ADGRL3: variants seen among roughly 807,000 people sequenced by gnomAD.
ADGRL3 encodes the protein calcium-independent alpha-latrotoxin receptor 3.
ADGRL3 carries 62 observed loss-of-function variants against 153.5 expected under a neutral mutation model. That is an observed-to-expected ratio of 0.40 (90% confidence interval 0.33 to 0.50). The LOEUF is 0.50. Ranked by LOEUF, ADGRL3 falls within the 20% of genes least tolerant of loss-of-function variation. The pLI, the probability that ADGRL3 is intolerant of heterozygous loss-of-function variation, is 0.47. For missense variants in ADGRL3, 1,641 were observed against 1,859.4 expected (o/e 0.88, Z 2.16); for synonymous variants, 710 against 672.5 (o/e 1.06, Z -0.86).
chr4:61,962,811 A>C (rs2150514325), intron 17 of ADGRL3, among the ~76,000 whole-genome samples: 1 of 152,280 alleles, frequency 6.6e-6, no homozygotes, highest in Middle Eastern at 3.4e-3. Context: ...TTGTTCTATT[A>C]ATTTTAATTT....
chr4:62,046,491 A>G (rs1487226936), intron 25 of ADGRL3, among the ~76,000 whole-genome samples: 3 of 151,920 alleles, frequency 2.0e-5, no homozygotes, highest in Non-Finnish European at 2.9e-5. Flanking sequence ...AATTTGAAAT[A>G]TATTTAAAGG....
At chr4:61,225,944 T>A (rs1175676681) in intron 1 of ADGRL3, among the ~76,000 whole-genome samples, 1 of 152,184 alleles carries the variant, frequency 6.6e-6, no homozygotes, top group Non-Finnish European at 1.5e-5. Flanking sequence ...ATCACTGCTT[T>A]CTACCTTCTT....
intron 5 of ADGRL3, among the ~76,000 whole-genome samples, chr4:61,644,268 G>GATTTTTTTT (rs534607455): frequency 2.1e-5 from 3 of 145,456 alleles, no homozygotes; most frequent in African/African-American, 5.0e-5. Flanking sequence ...TTTTTGAAGG[G>GATTTTTTTT]TTTTTTGTGT....
intron 1 of ADGRL3, among the ~76,000 whole-genome samples, chr4:61,278,937 G>A (rs1053444092): frequency 2.0e-5 from 3 of 152,186 alleles, no homozygotes; most frequent in Non-Finnish European, 4.4e-5. Flanking sequence ...TTGTATGTTT[G>A]CATGCAGGCA....
At chr4:61,584,629 G>T (rs181407194) in intron 4 of ADGRL3, among the ~76,000 whole-genome samples, 2 of 152,010 alleles carry the variant, frequency 1.3e-5, no homozygotes, top group East Asian at 3.9e-4. Context: ...ATAGCTAGAT[G>T]AATCCAATGT....
chr4:62,022,342 T>A (rs2099241964), intron 21 of ADGRL3, among the ~76,000 whole-genome samples: 1 of 152,096 alleles, frequency 6.6e-6, no homozygotes, highest in African/African-American at 2.4e-5. Context: ...TCATGAGATT[T>A]AAGGAAAGAA....
At chr4:61,966,573 G>GGT (rs5858746) in intron 17 of ADGRL3, among the ~76,000 whole-genome samples, 14,604 of 145,752 alleles carry the variant, frequency 0.1, 789 homozygotes, top group East Asian at 0.22. Context: ...TTTCAAAAGG[G>GGT]GTGTGTGTGT....
At chr4:61,516,338 T>C (rs537932750) in intron 3 of ADGRL3, among the ~76,000 whole-genome samples, 1 of 149,718 alleles carries the variant, frequency 6.7e-6, no homozygotes, top group South Asian at 2.1e-4. Flanking sequence ...TATTAATGTG[T>C]TTTTATACAT....
At chr4:62,024,989 A>G (rs1344567196) in intron 21 of ADGRL3, among the ~76,000 whole-genome samples, 3 of 151,994 alleles carry the variant, frequency 2.0e-5, no homozygotes, top group East Asian at 3.9e-4. Flanking sequence ...TATAGTGATG[A>G]ACAAAGAACA....
chr4:61,495,367 A>T (rs1191961215), intron 2 of ADGRL3, among the ~76,000 whole-genome samples: 3 of 152,138 alleles, frequency 2.0e-5, no homozygotes, highest in Non-Finnish European at 2.9e-5. Context: ...TTAAAATTTA[A>T]TTCTAAAACT....
intron 5 of ADGRL3, among the ~76,000 whole-genome samples, chr4:61,650,762 G>A (rs2094216449): frequency 6.6e-6 from 1 of 151,984 alleles, no homozygotes; most frequent in Admixed American, 6.6e-5. Flanking sequence ...CCAACTGCAA[G>A]GTTGTGATTA....
At chr4:61,949,305 A>C (rs1173885863) in intron 17 of ADGRL3, among the ~76,000 whole-genome samples, 2 of 152,238 alleles carry the variant, frequency 1.3e-5, no homozygotes, top group African/African-American at 2.4e-5. Flanking sequence ...TGTGGCATTA[A>C]AAATTTAATT....
chr4:61,554,043 G>GT (rs1237752118), intron 4 of ADGRL3, among the ~76,000 whole-genome samples: 12 of 150,876 alleles, frequency 8.0e-5, no homozygotes, highest in Non-Finnish European at 1.6e-4. Context: ...ACAAAAAAAG[G>GT]TAATAAGAAT....
chr4:61,524,727 G>A (rs1434991898), intron 4 of ADGRL3, among the ~76,000 whole-genome samples: 1 of 152,102 alleles, frequency 6.6e-6, no homozygotes, highest in Non-Finnish European at 1.5e-5. Flanking sequence ...CTGAGACCTA[G>A]TAAGTGTTCC....
intron 1 of ADGRL3, among the ~76,000 whole-genome samples, chr4:61,262,271 G>T (rs561666791): frequency 3.1e-4 from 47 of 152,088 alleles, no homozygotes; most frequent in African/African-American, 1.1e-3. Context: ...TGTAGTAAAG[G>T]TCTTTGTGAA....
chr4:61,809,663 A>G (rs775295087), intron 8 of ADGRL3, among the ~76,000 whole-genome samples: 1 of 151,944 alleles, frequency 6.6e-6, no homozygotes, highest in Non-Finnish European at 1.5e-5. Flanking sequence ...ATATGATATA[A>G]TTCATGTATT....
intron 8 of ADGRL3, among the ~76,000 whole-genome samples, chr4:61,797,343 A>G: frequency 6.6e-6 from 1 of 152,204 alleles, no homozygotes; most frequent in East Asian, 1.9e-4. Context: ...GTACCCTACA[A>G]AAAGGTGTTT....
intron 2 of ADGRL3, 24 bp from the exon 3 acceptor site, chr4:61,497,096 AC>A: frequency 3.6e-6 from 2 of 550,678 alleles, no homozygotes; most frequent in South Asian, 2.4e-5. Flanking sequence ...TTATACAATA[AC>A]CCTTTTTTTT....
chr4:62,009,988 A>G (rs570108241), intron 21 of ADGRL3, among the ~76,000 whole-genome samples: 3 of 152,270 alleles, frequency 2.0e-5, no homozygotes, highest in African/African-American at 7.2e-5. Flanking sequence ...CAAATGGAAG[A>G]GATGCACAGG....
Sources: gnomAD v4.1 joint callset for allele counts (sites outside exome capture counted in the v4.1 genomes callset) on GRCh38, gnomAD v4.1.1 for gene constraint, MANE v1.5 for transcripts, NCBI Gene and HGNC (gene_info 2026-07-23, HGNC 2026-07-21) for gene names.